The following ASIC2 variants were observed in gnomAD, a reference collection of about 807,000 sequenced individuals.
ASIC2 encodes the protein acid sensing ion channel subunit 2.
ASIC2 carries 25 observed loss-of-function variants against 57.3 expected under a neutral mutation model. The ratio of observed to expected loss-of-function variants is 0.44; its 90% confidence interval spans 0.32 to 0.61. The LOEUF is 0.61. ASIC2 is among the 20% of genes least tolerant of loss of function. The pLI is 0.06. For missense variants in ASIC2, 641 were observed against 738.1 expected (o/e 0.87, Z 1.52); for synonymous variants, 319 against 307.5 (o/e 1.04, Z -0.39).
chr17:33,478,302 G>C (rs1253485103), intron 1 of ASIC2, among the ~76,000 whole-genome samples: 1 of 152,242 alleles, frequency 6.6e-6, no homozygotes. Flanking sequence ...CCAGGGGCTA[G>C]GGGGCTTAAG....
chr17:33,377,757 C>A (rs1305228290), intron 1 of ASIC2, among the ~76,000 whole-genome samples: 1 of 152,212 alleles, frequency 6.6e-6, no homozygotes, highest in Non-Finnish European at 1.5e-5. Flanking sequence ...ACCCCTAGCT[C>A]CTCTGACCTT....
intron 1 of ASIC2, among the ~76,000 whole-genome samples, chr17:33,523,180 T>C (rs1199439781): frequency 3.9e-5 from 6 of 152,226 alleles, no homozygotes; most frequent in African/African-American, 1.4e-4. Context: ...GTCTTTGTCA[T>C]CTTGGTAAAG....
intron 1 of ASIC2, among the ~76,000 whole-genome samples, chr17:34,094,564 G>T (rs1910451687): frequency 6.6e-6 from 1 of 152,190 alleles, no homozygotes; most frequent in Non-Finnish European, 1.5e-5. Flanking sequence ...TGAGGATGCT[G>T]CAATTCAAAC....
intron 1 of ASIC2, among the ~76,000 whole-genome samples, chr17:33,236,953 T>G (rs1250496923): frequency 6.6e-6 from 1 of 152,132 alleles, no homozygotes; most frequent in East Asian, 1.9e-4. Context: ...AAATTTCTGT[T>G]GTTTGAAGCC....
intron 1 of ASIC2, chr17:33,627,134 G>A (rs1031446242): frequency 6.6e-6 from 1 of 152,216 alleles, no homozygotes; most frequent in Non-Finnish European, 1.5e-5. Flanking sequence ...GAAAAATGCT[G>A]TCATCCTGGA....
chr17:33,497,323 C>A (rs73983914), intron 1 of ASIC2, among the ~76,000 whole-genome samples: 1,653 of 152,318 alleles, frequency 0.011, 26 homozygotes, highest in African/African-American at 0.037. Context: ...GGAGAAAGGG[C>A]CCATAGGGCT....
intron 1 of ASIC2, among the ~76,000 whole-genome samples, chr17:33,311,725 C>T (rs1316443823): frequency 6.6e-6 from 1 of 152,094 alleles, no homozygotes; most frequent in Non-Finnish European, 1.5e-5. Flanking sequence ...TAGAGGTCTC[C>T]TTTGAACACA....
intron 1 of ASIC2, among the ~76,000 whole-genome samples, chr17:33,302,768 G>A (rs956155448): frequency 1.3e-5 from 2 of 152,174 alleles, no homozygotes; most frequent in African/African-American, 4.8e-5. Context: ...CAAACAGAAG[G>A]GAAGGGGAAG....
chr17:34,109,049 A>T (rs201878635), intron 1 of ASIC2, among the ~76,000 whole-genome samples: 1 of 150,070 alleles, frequency 6.7e-6, no homozygotes. Context: ...ATTTTATTTT[A>T]TTTTTATTTT....
At chr17:33,052,987 G>A (rs1035992670) in intron 3 of ASIC2, 2 of 152,146 alleles carry the variant, frequency 1.3e-5, no homozygotes, top group Admixed American at 1.3e-4. Context: ...GGAGGACAGA[G>A]ACACCAGTTG....
chr17:33,743,405 G>A lies in ASIC2; in HGVS notation c.555+412573C>T, dbSNP rs1910167657. Among the ~76,000 whole-genome samples, 3 of 152,312 alleles carry A rather than the reference G, an allele frequency of 2.0e-5. No homozygotes were observed. The South Asian group carries it at 6.2e-4, about 32-fold the overall frequency. On this transcript the variant is annotated intron_variant, in intron 1 of 9. Transcript: ENST00000359872. ...GAAGACAGGGCTTCCTCTCCCCTCAGTTCCCAAGCTAGGGTTACCACATGT... is the reference window on the plus strand; with the variant it reads ...GAAGACAGGGCTTCCTCTCCCCTCAATTCCCAAGCTAGGGTTACCACATGT...
At chr17:33,340,284 G>A (rs1907673302) in intron 1 of ASIC2, among the ~76,000 whole-genome samples, 1 of 152,158 alleles carries the variant, frequency 6.6e-6, no homozygotes, top group Admixed American at 6.5e-5. Context: ...ACCTCTGAGG[G>A]TGATGGGGAG....
rs36016777 is a variant in ASIC2 at position 33,349,919 on chromosome 17, G to GAA, written c.556-237854_556-237853dup. On this transcript the variant is annotated intron_variant, in intron 1 of 9. Transcript: ENST00000359872. ...CACTCAAAATTTAAGAACAATTTAT[G>GAA]AAAAAAAAAGCCTTGATATAGAGAA... Among the ~76,000 whole-genome samples, 476 of 150,782 alleles carry GAA rather than the reference G, an allele frequency of 3.2e-3. 1 individual carries two copies. The highest frequency in any genetic ancestry group is 0.011 in the African/African-American group (456 of 41,084).
intron 1 of ASIC2, among the ~76,000 whole-genome samples, chr17:33,646,168 C>A (rs1357384526): frequency 1.3e-5 from 2 of 152,188 alleles, no homozygotes; most frequent in African/African-American, 4.8e-5. Context: ...CAACTCAATT[C>A]TTCTGACCAT....
At chr17:34,111,434 T>G (rs752385292) in intron 1 of ASIC2, among the ~76,000 whole-genome samples, 1 of 151,868 alleles carries the variant, frequency 6.6e-6, no homozygotes, top group African/African-American at 2.4e-5. Context: ...CTAACCCTTT[T>G]GAAAAGATAT....
chr17:33,479,383 G>T (rs1597744499), intron 1 of ASIC2, among the ~76,000 whole-genome samples: 1 of 152,078 alleles, frequency 6.6e-6, no homozygotes, highest in African/African-American at 2.4e-5. Flanking sequence ...TAAATGATAA[G>T]ATTTGGTGAT....
chr17:33,518,911 T>C (rs984469989), intron 1 of ASIC2, among the ~76,000 whole-genome samples: 4 of 151,826 alleles, frequency 2.6e-5, no homozygotes, highest in Non-Finnish European at 5.9e-5. Flanking sequence ...AGCTCCGCCT[T>C]CCGGGTTCAC....
At chr17:34,145,459 C>A (rs1234506842) in intron 1 of ASIC2, among the ~76,000 whole-genome samples, 1 of 152,188 alleles carries the variant, frequency 6.6e-6, no homozygotes, top group Non-Finnish European at 1.5e-5. Flanking sequence ...CAACCCTTTA[C>A]CTGACATTGA....
rs767742580 is a variant in ASIC2 at position 34,156,517 on chromosome 17, T to G, written c.16A>C (p.Ser6Arg). Residue 6 changes from serine to arginine, a missense_variant, in exon 1 of 10, where the codon AGC becomes CGC. Transcript: ENST00000359872. This position sits in a 1 kb window ranked among gnomAD's most constrained non-coding sequence, Gnocchi z 4.4. ...GGTTGCAGGCTGCCCTCACTGGGGC[T>G]TTCCTTGAGGTCCATCGGGACCCCG... 1.9e-5 allele frequency: 31 copies of G among 1,597,252 alleles called. No homozygotes were observed. Among genetic ancestry groups the G allele is most frequent in the Non-Finnish European group, 9.4e-6 (11 of 1,168,638 alleles).
Sources: allele counts gnomAD v4.1 joint callset (sites outside exome capture counted in the v4.1 genomes callset), GRCh38; gene constraint gnomAD v4.1.1; non-coding constraint Gnocchi (gnomAD v3.1); transcripts MANE v1.5; gene names NCBI Gene and HGNC (gene_info 2026-07-23, HGNC 2026-07-21).